ZNRF1: variants seen among roughly 807,000 people sequenced by gnomAD.
The protein encoded by ZNRF1 is zinc and ring finger 1, also known as E3 ubiquitin-protein ligase ZNRF1.
In ZNRF1, 3 loss-of-function variants were observed where a neutral mutation model predicts 18.4. The observed-to-expected ratio is 0.16, with a 90% confidence interval of 0.07 to 0.42. The LOEUF (loss-of-function observed/expected upper bound fraction) is 0.42, where lower values mean the gene tolerates loss of function less well. ZNRF1 is among the 10% of genes least tolerant of loss of function. ZNRF1 has a pLI of 0.99. For missense variants in ZNRF1, 310 were observed against 329.8 expected, an observed-to-expected ratio of 0.94 and a Z score of 0.47; for synonymous variants, 157 against 144.2, an observed-to-expected ratio of 1.09 and a Z score of -0.64.
chr16:75,085,290 C>T (rs1475107927), intron 1 of ZNRF1, among the ~76,000 whole-genome samples: 1 of 152,182 alleles, frequency 6.6e-6, no homozygotes, highest in Non-Finnish European at 1.5e-5. Context: ...TAATTAGAAT[C>T]ATGTGTGCAC....
chr16:75,000,737 C>G (rs752555165), intron 1 of ZNRF1, among the ~76,000 whole-genome samples: 2 of 152,196 alleles, frequency 1.3e-5, no homozygotes, highest in Non-Finnish European at 2.9e-5. Context: ...TGTGGTCACC[C>G]GTACTGCATG....
At position 75,031,805 on chromosome 16, in the gene ZNRF1, T is replaced by C. The variant is rs9925590; in HGVS notation, c.424+31710T>C. 3.1e-3 allele frequency among the ~76,000 whole-genome samples: 469 copies of C among 152,322 alleles called. 3 individuals carry two copies. Among genetic ancestry groups the C allele is most frequent in the African/African-American group, 0.011 (447 of 41,568 alleles). On this transcript the variant is annotated intron_variant, in intron 1 of 4. Coordinates refer to ENST00000335325, the MANE Select transcript of ZNRF1 (RefSeq NM_032268.5). ...GCGTGAGCCACCACACCCGGCTATATATACCTACGAGTAGAATTGCTCGGT... is the reference window on the plus strand; with the variant it reads ...GCGTGAGCCACCACACCCGGCTATACATACCTACGAGTAGAATTGCTCGGT...
rs976970865 is a variant in ZNRF1 at position 74,999,713 on chromosome 16, C to T, written c.42C>T (p.Pro14=). 6 of 1,365,574 alleles carry T rather than the reference C, an allele frequency of 4.4e-6. No individual in the cohort carries two copies. Among genetic ancestry groups the T allele is most frequent in the Non-Finnish European group, 5.6e-6 (6 of 1,065,468 alleles). The allele number at this position is 1,365,574 out of a possible 1,614,324, so 84.6% of individuals were successfully genotyped here. ...GCACGGCGGCCCGCTCCCGGGGCCCCTTCCCGGGGGTCTCCACCGATGACA... is the reference window on the plus strand; with the variant it reads ...GCACGGCGGCCCGCTCCCGGGGCCCTTTCCCGGGGGTCTCCACCGATGACA... ...KQSTAARSRG[P]FPGVSTDDSA... The change falls in exon 1 of 5, where the codon CCC becomes CCT. Residue 14 remains proline (P), a synonymous_variant. Coordinates refer to ENST00000335325, the MANE Select transcript of ZNRF1 (RefSeq NM_032268.5).
At chr16:75,058,106 C>CTTT (rs35226969) in intron 1 of ZNRF1, among the ~76,000 whole-genome samples, 3 of 140,244 alleles carry the variant, frequency 2.1e-5, no homozygotes, top group Non-Finnish European at 4.6e-5. Context: ...CTTTCCTTTT[C>CTTT]TTTTTTTTTT....
At chr16:75,075,148 T>C (rs1181514242) in intron 1 of ZNRF1, among the ~76,000 whole-genome samples, 2 of 151,998 alleles carry the variant, frequency 1.3e-5, no homozygotes, top group Non-Finnish European at 2.9e-5. Flanking sequence ...TCATTGTTGG[T>C]GGGAGGAATG....
chr16:75,053,177 G>C (rs1398557869), intron 1 of ZNRF1, among the ~76,000 whole-genome samples: 1 of 152,206 alleles, frequency 6.6e-6, no homozygotes, highest in Non-Finnish European at 1.5e-5. Context: ...ACTGGTTCAG[G>C]TGGGTGGCTA....
chr16:75,014,417 G>C (rs190246547), intron 1 of ZNRF1, among the ~76,000 whole-genome samples: 2 of 152,164 alleles, frequency 1.3e-5, no homozygotes, highest in Admixed American at 1.3e-4. Flanking sequence ...ATTATGAGGT[G>C]TGTGTGTGTA....
chr16:75,018,806 G>C (rs1013917720), intron 1 of ZNRF1, among the ~76,000 whole-genome samples: 2 of 150,524 alleles, frequency 1.3e-5, no homozygotes, highest in South Asian at 4.2e-4. Context: ...TTCTCCTTTG[G>C]ATTTTTGCAC....
intron 1 of ZNRF1, among the ~76,000 whole-genome samples, chr16:75,029,081 T>TTC (rs1162650343): frequency 6.7e-6 from 1 of 150,136 alleles, no homozygotes; most frequent in African/African-American, 2.5e-5. Context: ...TCTTGACCTT[T>TTC]TTTTTTTTTG....
At chr16:75,107,556 G>A in intron 4 of ZNRF1, 177 bp from the exon 5 acceptor site, 1 of 363,634 alleles carries the variant, frequency 2.8e-6, no homozygotes, top group South Asian at 2.0e-5. Context: ...GGAGAGTGAG[G>A]CAGGGGAGTA....
chr16:75,028,502 C>T (rs1450415180), intron 1 of ZNRF1, among the ~76,000 whole-genome samples: 1 of 152,222 alleles, frequency 6.6e-6, no homozygotes, highest in African/African-American at 2.4e-5. Flanking sequence ...ACCATGTTGG[C>T]CAGGCTAGTC....
At chr16:75,024,358 C>T (rs893206440) in intron 1 of ZNRF1, among the ~76,000 whole-genome samples, 1 of 152,094 alleles carries the variant, frequency 6.6e-6, no homozygotes, top group Non-Finnish European at 1.5e-5. Context: ...TAGTTGAGAA[C>T]GTTTTTTTAA....
chr16:75,033,562 C>T (rs2035335893), intron 1 of ZNRF1, among the ~76,000 whole-genome samples: 1 of 151,650 alleles, frequency 6.6e-6, no homozygotes, highest in South Asian at 2.1e-4. Context: ...ACCTCAGCCT[C>T]CAAGTAGCTG....
At chr16:75,070,618 C>T (rs922451312) in intron 1 of ZNRF1, among the ~76,000 whole-genome samples, 5 of 152,312 alleles carry the variant, frequency 3.3e-5, no homozygotes, top group Middle Eastern at 3.4e-3. Context: ...CATTCACAAA[C>T]TAAGTACCTC....
chr16:75,033,496 A>G (rs1359344773), intron 1 of ZNRF1, among the ~76,000 whole-genome samples: 17 of 146,056 alleles, frequency 1.2e-4, no homozygotes, highest in Admixed American at 9.1e-4. Flanking sequence ...CTGGAGTGCA[A>G]TGGCGCAATC....
chr16:75,053,918 G>A (rs958595634), intron 1 of ZNRF1, among the ~76,000 whole-genome samples: 1 of 152,290 alleles, frequency 6.6e-6, no homozygotes, highest in East Asian at 1.9e-4. Flanking sequence ...TTGTGGCCAC[G>A]CAAGTTCTTT....
At position 75,050,597 on chromosome 16, in the gene ZNRF1, G is replaced by A. The variant is rs559106271; in HGVS notation, c.425-42975G>A. On this transcript the variant is annotated intron_variant, in intron 1 of 4. Coordinates refer to ENST00000335325, the MANE Select transcript of ZNRF1 (RefSeq NM_032268.5). ...AAAAATACTTGTAGCCGCCGGGCAC[G>A]GTGGCTCACGCCTGTAATCCCAGCA... 1.5e-3 allele frequency among the ~76,000 whole-genome samples: 233 copies of A among 151,506 alleles called. 1 individual carries two copies. The highest frequency in any genetic ancestry group is 5.4e-3 in the African/African-American group (224 of 41,354).
chr16:75,068,790 T>C (rs992968869), intron 1 of ZNRF1, among the ~76,000 whole-genome samples: 1 of 152,000 alleles, frequency 6.6e-6, no homozygotes, highest in Non-Finnish European at 1.5e-5. Flanking sequence ...CCCTGATCCA[T>C]GCTTAAAATT....
chr16:75,085,715 C>CT (rs1320642194), intron 1 of ZNRF1, among the ~76,000 whole-genome samples: 4 of 150,008 alleles, frequency 2.7e-5, no homozygotes, highest in Non-Finnish European at 5.9e-5. Flanking sequence ...GTTGCTAGTC[C>CT]TTTAAAGTTT....
Sources: gnomAD v4.1 joint callset for allele counts (sites outside exome capture counted in the v4.1 genomes callset) on GRCh38, gnomAD v4.1.1 for gene constraint, MANE v1.5 for transcripts, NCBI Gene and HGNC (gene_info 2026-07-23, HGNC 2026-07-21) for gene names.